ZHX2: variants seen among roughly 807,000 people sequenced by gnomAD.
ZHX2 encodes the protein zinc fingers and homeoboxes protein 2.
Under a neutral mutation model 21.9 loss-of-function variants are expected in ZHX2, and 6 were observed. The ratio of observed to expected loss-of-function variants is 0.27; its 90% CI spans 0.15 to 0.54. The LOEUF (loss-of-function observed/expected upper bound fraction) is 0.54, where lower values mean the gene tolerates loss of function less well. Among genes scored for constraint, ZHX2 ranks in the 20% least tolerant of loss-of-function variants. The probability of loss-of-function intolerance (pLI) is 0.95; values close to 1 mark genes in which losing one functional copy is unlikely to be tolerated. For synonymous variants in ZHX2, 434 were observed against 437.1 expected (o/e 0.99, Z 0.09); for missense variants, 908 against 1,090.7 (o/e 0.83, Z 2.36).
intron 2 of ZHX2, among the ~76,000 whole-genome samples, chr8:122,864,076 G>C (rs1420843692): frequency 6.6e-6 from 1 of 151,628 alleles, no homozygotes. Context: ...GGAAACTTGG[G>C]AAGTAGAGTG....
At chr8:122,783,273 T>G (rs1271514717) in intron 1 of ZHX2, among the ~76,000 whole-genome samples, 3 of 152,120 alleles carry the variant, frequency 2.0e-5, no homozygotes, top group Non-Finnish European at 2.9e-5. Context: ...CCCCTCCCCT[T>G]TTAAAGAGTG....
intron 2 of ZHX2, among the ~76,000 whole-genome samples, chr8:122,888,407 G>A (rs142717670): frequency 0.016 from 2,510 of 152,154 alleles, 37 homozygotes; most frequent in Non-Finnish European, 0.029. Flanking sequence ...ATTTCTTTCC[G>A]TTAGGAAGAT....
rs745393739 is a variant in ZHX2, at chr8:122,952,816, C to G, written c.1306C>G (p.Pro436Ala). ...AGAGCCCCCACCCAAGGTGGCCAAC[C>G]CCCCGCTCACACCAGCCAGTGACCG... ...VPEPPPKVAN[P>A]PLTPASDRKK... The change falls in exon 3 of 4, where the codon CCC (proline) becomes GCC (alanine). Residue 436 changes from proline to alanine, a missense_variant. Physicochemically the swap from Pro to Ala is conservative, Grantham distance 27. Transcript: ENST00000314393. The surrounding 1 kb of genome is among the most constrained non-coding windows in gnomAD (Gnocchi z 6.9). The G allele has an allele frequency of 1.2e-6, 2 of 1,614,144 alleles. No homozygotes were observed. Among genetic ancestry groups the G allele is most frequent in the Non-Finnish European group, 1.7e-6 (2 of 1,180,028 alleles).
At chr8:122,929,233 C>T (rs967814954) in intron 2 of ZHX2, among the ~76,000 whole-genome samples, 4 of 152,146 alleles carry the variant, frequency 2.6e-5, no homozygotes, top group South Asian at 4.1e-4. Context: ...TTTGATCAGC[C>T]AGAGCTCCTT....
At chr8:122,860,889 C>T (rs1321765541) in intron 1 of ZHX2, among the ~76,000 whole-genome samples, 6 of 151,850 alleles carry the variant, frequency 4.0e-5, no homozygotes, top group Admixed American at 2.0e-4. Flanking sequence ...AAAAATTAGC[C>T]GGGCATGGCA....
At chr8:122,848,029 A>C (rs903243762) in intron 1 of ZHX2, among the ~76,000 whole-genome samples, 1 of 152,230 alleles carries the variant, frequency 6.6e-6, no homozygotes, top group Non-Finnish European at 1.5e-5. Flanking sequence ...ATAAAGGTAG[A>C]AAGTCCGCCG....
At chr8:122,875,004 A>G (rs946196551) in intron 2 of ZHX2, among the ~76,000 whole-genome samples, 1 of 151,628 alleles carries the variant, frequency 6.6e-6, no homozygotes, top group Middle Eastern at 3.2e-3. Context: ...AAATGAGCAG[A>G]CAAGGCTATA....
intron 1 of ZHX2, among the ~76,000 whole-genome samples, chr8:122,859,476 G>T (rs1819111014): frequency 6.6e-6 from 1 of 152,226 alleles, no homozygotes; most frequent in Non-Finnish European, 1.5e-5. Flanking sequence ...GCATTAATTA[G>T]GGTAAGAGTG....
At chr8:122,822,938 C>T (rs1325099517) in intron 1 of ZHX2, among the ~76,000 whole-genome samples, 1 of 152,240 alleles carries the variant, frequency 6.6e-6, no homozygotes, top group African/African-American at 2.4e-5. Context: ...TAATGTACCT[C>T]ATCCGATTTC....
chr8:122,942,962 T>C (rs1484323150), intron 2 of ZHX2, among the ~76,000 whole-genome samples: 1 of 152,148 alleles, frequency 6.6e-6, no homozygotes, highest in Non-Finnish European at 1.5e-5. Flanking sequence ...TGGGAGCCTG[T>C]TAGGAATGCA....
intron 2 of ZHX2, among the ~76,000 whole-genome samples, chr8:122,888,244 T>C (rs940245817): frequency 1.3e-5 from 2 of 148,266 alleles, no homozygotes; most frequent in African/African-American, 4.9e-5. Flanking sequence ...GGCCCTTGAT[T>C]TTTTTTTTTG....
At chr8:122,813,248 T>G (rs1280903036) in intron 1 of ZHX2, among the ~76,000 whole-genome samples, 2 of 151,904 alleles carry the variant, frequency 1.3e-5, no homozygotes, top group Non-Finnish European at 2.9e-5. Flanking sequence ...CTACCCTCAT[T>G]TTACAGTTGA....
intron 1 of ZHX2, among the ~76,000 whole-genome samples, chr8:122,831,846 A>G (rs1383044168): frequency 6.6e-6 from 1 of 152,148 alleles, no homozygotes; most frequent in Non-Finnish European, 1.5e-5. Flanking sequence ...GAATTTGAAT[A>G]TATGTTGATC....
At chr8:122,915,420 A>G (rs145219048) in intron 2 of ZHX2, among the ~76,000 whole-genome samples, 209 of 152,302 alleles carry the variant, frequency 1.4e-3, no homozygotes, top group Non-Finnish European at 2.5e-3. Context: ...CACAACCCCA[A>G]TGGACAGTGT....
At chr8:122,964,785 G>A (rs968811881) in intron 3 of ZHX2, among the ~76,000 whole-genome samples, 2 of 151,608 alleles carry the variant, frequency 1.3e-5, no homozygotes, top group African/African-American at 4.8e-5. Flanking sequence ...ACTTTTTTTT[G>A]TTGGCAATTT....
intron 1 of ZHX2, among the ~76,000 whole-genome samples, chr8:122,848,353 G>A (rs1477807302): frequency 1.3e-5 from 2 of 152,088 alleles, no homozygotes; most frequent in African/African-American, 2.4e-5. Context: ...CAGCCACAAC[G>A]CTCATTCCTT....
At chr8:122,945,885 G>A (rs1812964121) in intron 2 of ZHX2, among the ~76,000 whole-genome samples, 1 of 152,212 alleles carries the variant, frequency 6.6e-6, no homozygotes, top group Admixed American at 6.5e-5. Context: ...ACAGGGGATG[G>A]TGTGATGACT....
At chr8:122,863,366 T>G (rs1171119936) in intron 1 of ZHX2, 111 bp from the exon 2 acceptor site, 1 of 152,404 alleles carries the variant, frequency 6.6e-6, no homozygotes, top group African/African-American at 2.4e-5. Context: ...TCCTTCTCAT[T>G]CATCTTCCCC....
chr8:122,837,367 T>G (rs1483652306), intron 1 of ZHX2, among the ~76,000 whole-genome samples: 1 of 152,140 alleles, frequency 6.6e-6, no homozygotes, highest in South Asian at 2.1e-4. Context: ...ATCTGAGCAA[T>G]GGGTTCCAGA....
Sources: gnomAD v4.1 joint callset for allele counts (sites outside exome capture counted in the v4.1 genomes callset) on GRCh38, gnomAD v4.1.1 for gene constraint, Gnocchi (gnomAD v3.1) non-coding constraint, MANE v1.5 for transcripts, NCBI Gene and HGNC (gene_info 2026-07-23, HGNC 2026-07-21) for gene names.